The following SLC22A14 variants were observed in gnomAD, a reference collection of about 807,000 sequenced individuals.
SLC22A14 encodes the protein solute carrier family 22 member 14.
Under a neutral mutation model 53.9 loss-of-function variants are expected in SLC22A14, and 50 were observed. That is an observed-to-expected ratio of 0.93 (90% confidence interval 0.74 to 1.17). The LOEUF is 1.17. SLC22A14 is among the 50% of genes most tolerant of loss of function. The pLI, the probability that SLC22A14 is intolerant of heterozygous loss-of-function variation, is 0.00. For missense variants in SLC22A14, 671 were observed against 734.7 expected (o/e 0.91, Z 1.00); for synonymous variants, 312 against 303.0 (o/e 1.03, Z -0.31).
At chr3:38,316,097 C>T (rs956867553) in intron 9 of SLC22A14, among the ~76,000 whole-genome samples, 33 of 152,350 alleles carry the variant, frequency 2.2e-4, no homozygotes, top group African/African-American at 7.9e-4. Context: ...GGCATCACTG[C>T]CTGTGTCCTC....
intron 1 of SLC22A14, among the ~76,000 whole-genome samples, chr3:38,294,932 T>C (rs1190932108): frequency 6.6e-6 from 1 of 152,234 alleles, no homozygotes; most frequent in African/African-American, 2.4e-5. Context: ...AGAGAGGGTG[T>C]AGGTAACTTT....
intron 1 of SLC22A14, 147 bp from the exon 2 acceptor site, chr3:38,305,879 CA>C: frequency 1.4e-6 from 1 of 734,394 alleles, no homozygotes; most frequent in Non-Finnish European, 2.3e-6. Flanking sequence ...ACTAAGAAAG[CA>C]AGGGAGGGAA....
At chr3:38,305,850 G>T (rs917332306) in intron 1 of SLC22A14, 177 bp from the exon 2 acceptor site, 8 of 649,528 alleles carry the variant, frequency 1.2e-5, no homozygotes, top group African/African-American at 1.1e-4. Context: ...GTTGGGCCAG[G>T]GGGGAATAAA....
In SLC22A14 at chr3:38,318,513, C is replaced by T. The variant is rs1034252476; in HGVS notation, c.*264C>T. ...CCAGCCCTTGACATTAAAAAAAATG[C>T]CCCCTCCTTCTGCAGGAGCTCTGCT... On this transcript the variant is annotated 3_prime_UTR_variant, in exon 11 of 11. Transcript: ENST00000448498. 2.2e-5 allele frequency: 9 copies of T among 406,012 alleles called. No individual in the cohort carries two copies. The highest frequency in any genetic ancestry group is 1.8e-4 in the African/African-American group (9 of 49,652). The allele number at this position is 406,012 out of a possible 1,614,324, so 25.2% of individuals were successfully genotyped here. A position where few individuals can be genotyped will look rare whatever the true frequency, so the allele number is the denominator to read the frequency against.
chr3:38,307,657 T>G lies in SLC22A14; in HGVS notation c.712T>G (p.Leu238Val). The change falls in exon 4 of 11, where the codon TTG (leucine) becomes GTG (valine). Residue 238 changes from leucine (L) to valine (V), a missense_variant. Coordinates refer to ENST00000448498, the MANE Select transcript of SLC22A14 (RefSeq NM_001320033.2). The surrounding 1 kb of genome is among the most constrained non-coding windows in gnomAD (Gnocchi z 4.4). ...CTTCATGAACAGCTTTCACCTGTAT[T>G]TGTTCTTTCGCTTTGGCATCTCGCA... The part of the protein sequence containing the change: ...TAFMNSFHLY[L>V]FFRFGISQSV... 1 of 1,518,320 alleles carries G rather than the reference T, an allele frequency of 6.6e-7. No homozygotes were observed. The highest frequency in any genetic ancestry group is 9.1e-7 in the Non-Finnish European group (1 of 1,099,948). The allele number at this position is 1,518,320 out of a possible 1,614,324, so 94.1% of individuals were successfully genotyped here.
At chr3:38,313,329 G>GGCTGGGGA (rs1704524778) in intron 6 of SLC22A14, 59 bp from the exon 7 acceptor site, 1 of 1,442,008 alleles carries the variant, frequency 6.9e-7, no homozygotes, top group African/African-American at 1.4e-5. Context: ...GGTGCTGTGG[G>GGCTGGGGA]GCTGGGGAGC....
chr3:38,307,505 C>A lies in SLC22A14; in HGVS notation c.621-61C>A. ...GGCTCAGGGCCTGGCCCAGGTGTAT[C>A]CGGCTGGGGCCAGCCCGGGAGATCC... On this transcript the variant is annotated intron_variant, in intron 3 of 10. Transcript: ENST00000448498. The surrounding 1 kb of genome is among the most constrained non-coding windows in gnomAD (Gnocchi z 4.4). The A allele has an allele frequency of 1.9e-6, 3 of 1,600,540 alleles. No individual in the cohort carries two copies. Among genetic ancestry groups the A allele is most frequent in the Non-Finnish European group, 2.6e-6 (3 of 1,171,956 alleles).
At chr3:38,293,424 C>T (rs4955400) in intron 1 of SLC22A14, among the ~76,000 whole-genome samples, 9,783 of 152,154 alleles carry the variant, frequency 0.064, 376 homozygotes, top group East Asian at 0.16. Flanking sequence ...TTATAAAAAA[C>T]CAAGGTTACC....
At chr3:38,314,373 A>G (rs1704567547) in intron 8 of SLC22A14, among the ~76,000 whole-genome samples, 1 of 152,248 alleles carries the variant, frequency 6.6e-6, no homozygotes, top group African/African-American at 2.4e-5. Context: ...GAATAACCTG[A>G]CCACTGAAAA....
chr3:38,311,565 A>T (rs1704467624), intron 5 of SLC22A14, among the ~76,000 whole-genome samples: 1 of 152,158 alleles, frequency 6.6e-6, no homozygotes, highest in Non-Finnish European at 1.5e-5. Flanking sequence ...CTCACATTTT[A>T]CTATAAGTAG....
upstream of SLC22A14, among the ~76,000 whole-genome samples, chr3:38,279,763 A>G (rs1490971034): frequency 6.6e-6 from 1 of 152,064 alleles, no homozygotes; most frequent in Non-Finnish European, 1.5e-5. Context: ...AGGAGAAGAT[A>G]TGCAGCTTCA....
intron 1 of SLC22A14, among the ~76,000 whole-genome samples, chr3:38,285,017 A>C (rs554240778): frequency 6.6e-6 from 1 of 152,352 alleles, no homozygotes; most frequent in Admixed American, 6.5e-5. Flanking sequence ...TAATGTGTAC[A>C]GAAAAGTTGT....
intron 1 of SLC22A14, among the ~76,000 whole-genome samples, chr3:38,297,943 A>G (rs541193601): frequency 1.3e-5 from 2 of 152,330 alleles, no homozygotes; most frequent in Non-Finnish European, 2.9e-5. Context: ...TGTAACAATT[A>G]TAACTGGTGC....
chr3:38,308,816 A>G, intron 4 of SLC22A14, 138 bp from the exon 5 acceptor site: 1 of 769,784 alleles, frequency 1.3e-6, no homozygotes, highest in Non-Finnish European at 2.2e-6. Context: ...CTCTGGACCC[A>G]GTGCAGAGAC....
Position 38,313,070 on chromosome 3 carries a change from A to G in SLC22A14, c.1016A>G (p.Tyr339Cys), listed in dbSNP as rs765938484. The change falls in exon 6 of 11, where the codon TAC (tyrosine) becomes TGC (cysteine). Residue 339 changes from tyrosine (Y) to cysteine (C), a missense_variant. Coordinates refer to ENST00000448498, the MANE Select transcript of SLC22A14 (RefSeq NM_001320033.2). ...AAGGAGGCCAAGCAGGTGCTGTGCT[A>G]CGCCGCAAGTGTGAACAAGAAGACC... ...KVKEAKQVLC[Y>C]AASVNKKTIP... is the part of the protein sequence containing the mutation. The G allele has an allele frequency of 1.2e-6, 2 of 1,604,058 alleles. No homozygotes were observed. The highest frequency in any genetic ancestry group is 1.7e-5 in the Admixed American group (1 of 58,302).
At chr3:38,280,103 C>G (rs1703634084), upstream of SLC22A14, among the ~76,000 whole-genome samples, 1 of 152,198 alleles carries the variant, frequency 6.6e-6, no homozygotes, top group Non-Finnish European at 1.5e-5. Context: ...ACTCACTCCC[C>G]CCGTACCTGC....
At position 38,313,444 on chromosome 3, in the gene SLC22A14, TAGGC is replaced by T; in HGVS notation, c.1125_1128del (p.Arg375SerfsTer5). On this transcript the variant is annotated frameshift_variant, in exon 7 of 11. Transcript: ENST00000448498. LOFTEE classifies it high-confidence loss of function. ...CCTCTGTCCTGGACTTCTGTAAGAA[TAGGC>T]AGCTCTGCAAGGTGACCTTGGTGAT... 1 of 1,613,928 alleles carries T rather than the reference TAGGC, an allele frequency of 6.2e-7. No homozygotes were observed. The highest frequency in any genetic ancestry group is 2.2e-5 in the East Asian group (1 of 44,872).
chr3:38,282,891 A>C (rs1231910008), intron 1 of SLC22A14, among the ~76,000 whole-genome samples: 1 of 152,054 alleles, frequency 6.6e-6, no homozygotes, highest in African/African-American at 2.4e-5. Flanking sequence ...TTGGTTTCCT[A>C]TTGCTGCTAT....
intron 1 of SLC22A14, among the ~76,000 whole-genome samples, chr3:38,282,699 C>T (rs1185553714): frequency 6.6e-6 from 1 of 152,118 alleles, no homozygotes; most frequent in Admixed American, 6.5e-5. Flanking sequence ...GTGAGTGCTC[C>T]AGGGTATTGG....
Sources: gnomAD v4.1 joint callset for allele counts (sites outside exome capture counted in the v4.1 genomes callset) on GRCh38, gnomAD v4.1.1 for gene constraint, Gnocchi (gnomAD v3.1) non-coding constraint, MANE v1.5 for transcripts, NCBI Gene and HGNC (gene_info 2026-07-23, HGNC 2026-07-21) for gene names.